RFPL4A: variants seen among roughly 807,000 people sequenced by gnomAD.
RFPL4A encodes the protein ret finger protein-like 4A.
RFPL4A carries 4 observed loss-of-function variants against 8.3 expected under a neutral mutation model. The observed-to-expected ratio is 0.48, with a 90% CI of 0.24 to 1.10. The LOEUF (loss-of-function observed/expected upper bound fraction) is 1.10, where lower values mean the gene tolerates loss of function less well. Ranked by LOEUF, RFPL4A falls within the 50% of genes least tolerant of loss-of-function variation. RFPL4A has a pLI of 0.18. For synonymous variants in RFPL4A, 43 were observed against 136.6 expected (o/e 0.31, Z 4.78); for missense variants, 111 against 358.7 (o/e 0.31, Z 5.58).
At chr19:55,760,533 T>C (rs1989260342) in intron 1 of RFPL4A, among the ~76,000 whole-genome samples, 1 of 151,596 alleles carries the variant, frequency 6.6e-6, no homozygotes, top group Admixed American at 6.6e-5. Flanking sequence ...TTAGGTTTTC[T>C]AGGAAAAAGC....
chr19:55,757,843 T>G (rs1989201574), upstream of RFPL4A, among the ~76,000 whole-genome samples: 1 of 151,456 alleles, frequency 6.6e-6, no homozygotes. Context: ...TTTCCACAAC[T>G]GAGGCCACCT....
rs111497074 is a variant in RFPL4A at position 55,761,744 on chromosome 19, C to T, written c.-9-48C>T. On this transcript the variant is annotated intron_variant, in intron 1 of 2. Coordinates refer to ENST00000434937, the MANE Select transcript of RFPL4A (RefSeq NM_001145014.2). Reference sequence around the variant, plus strand: ...AAAGCCCCAAACACTATCAGCTGTTCATTCAGCTCGTGGAAATTCTAATTC... The same window carrying T: ...AAAGCCCCAAACACTATCAGCTGTTTATTCAGCTCGTGGAAATTCTAATTC... The T allele has an allele frequency of 8.2e-5, 116 of 1,406,600 alleles. 8 individuals are homozygous for T. The African/African-American group carries it at 1.6e-3, about 20-fold the overall frequency. The allele number at this position is 1,406,600 out of a possible 1,614,324, so 87.1% of individuals were successfully genotyped here. A position where few individuals can be genotyped will look rare whatever the true frequency, so the allele number is the denominator to read the frequency against.
upstream of RFPL4A, among the ~76,000 whole-genome samples, chr19:55,758,249 C>A (rs1441710326): frequency 6.6e-6 from 1 of 152,300 alleles, no homozygotes; most frequent in African/African-American, 2.4e-5. Context: ...TGAGAACTGC[C>A]TTGGCTTTGA....
upstream of RFPL4A, among the ~76,000 whole-genome samples, chr19:55,758,136 C>T (rs1989208321): frequency 3.3e-5 from 5 of 152,202 alleles, no homozygotes; most frequent in South Asian, 1.0e-3. Flanking sequence ...TATTATAGGT[C>T]CCAATCAATG....
At chr19:55,761,079 T>A (rs564489997) in intron 1 of RFPL4A, among the ~76,000 whole-genome samples, 1 of 132,600 alleles carries the variant, frequency 7.5e-6, no homozygotes, top group Non-Finnish European at 1.7e-5. Context: ...TTAGTTCTGG[T>A]TTTTCCTTTT....
At chr19:55,758,877 T>A (rs1428876962), upstream of RFPL4A, 7 of 150,886 alleles carry the variant, frequency 4.6e-5, no homozygotes, top group African/African-American at 1.7e-4. Flanking sequence ...CCAATAGGCA[T>A]AATATTCAAG....
chr19:55,762,204 T>G lies in RFPL4A; in HGVS notation c.286+118T>G, dbSNP rs903960955. The stretch of plus-strand genomic sequence containing the variant: ...TATCTAGCATCTAAAACTTCCATGC[T>G]TCACAAACAACAGCAGTTCTCACCT... On this transcript the variant is annotated intron_variant, in intron 2 of 2. Transcript: ENST00000434937. The G allele has an allele frequency of 5.0e-5, 32 of 640,920 alleles. 2 individuals carry two copies. The African/African-American group carries it at 5.9e-4, about 12-fold the overall frequency. The allele number at this position is 640,920 out of a possible 1,614,324, so 39.7% of individuals were successfully genotyped here. A position where few individuals can be genotyped will look rare whatever the true frequency, so the allele number is the denominator to read the frequency against.
chr19:55,760,722 C>T (rs112817394), intron 1 of RFPL4A, among the ~76,000 whole-genome samples: 4 of 151,560 alleles, frequency 2.6e-5, no homozygotes, highest in African/African-American at 9.7e-5. Flanking sequence ...AGCCCAGGTT[C>T]CTCCTTGTCC....
intron 2 of RFPL4A, 60 bp from the exon 3 acceptor site, chr19:55,762,538 A>G (rs2045866): frequency 7.6e-7 from 1 of 1,310,206 alleles, no homozygotes; most frequent in Non-Finnish European, 1.0e-6. Flanking sequence ...TTTGCAGTCA[A>G]AGGGCAGAGG....
At chr19:55,762,430 A>C (rs1440693088) in intron 2 of RFPL4A, among the ~76,000 whole-genome samples, 168 bp from the exon 3 acceptor site, 2 of 151,562 alleles carry the variant, frequency 1.3e-5, no homozygotes, top group African/African-American at 2.4e-5. Context: ...CTATAGATAC[A>C]ATTTAACCTC....
rs1989292751 is a variant in RFPL4A at position 55,761,931 on chromosome 19, G to A, written c.131G>A (p.Gly44Glu). 1 of 1,513,802 alleles carries A rather than the reference G, an allele frequency of 6.6e-7. No homozygotes were observed. The highest frequency in any genetic ancestry group is 2.0e-5 in the Admixed American group (1 of 50,160). 93.8% of individuals were successfully genotyped at this position (1,513,802 alleles called of 1,614,324 possible). A position where few individuals can be genotyped will look rare whatever the true frequency, so the allele number is the denominator to read the frequency against. The change falls in exon 2 of 3, where the codon GGG (glycine) becomes GAG (glutamate). Residue 44 changes from glycine to glutamate, a missense_variant. Physicochemically the swap from Gly to Glu is moderately conservative, Grantham distance 98 (BLOSUM62 -2). Coordinates refer to ENST00000434937, the MANE Select transcript of RFPL4A (RefSeq NM_001145014.2). Reference protein sequence around the residue: ...CLNSLQKEPDGEGLLCRFCSV... With the variant: ...CLNSLQKEPDEEGLLCRFCSV... ...AATTCACTCCAGAAGGAGCCCGATG[G>A]GGAAGGTTTACTGTGCCGTTTCTGC...
At chr19:55,762,208 C>G (rs1240052910) in intron 2 of RFPL4A, 122 bp downstream of exon 2, 9 of 634,438 alleles carry the variant, frequency 1.4e-5, no homozygotes, top group Admixed American at 2.9e-5. Context: ...CCATGCTTCA[C>G]AAACAACAGC....
At chr19:55,758,709 T>C (rs551051263), upstream of RFPL4A, among the ~76,000 whole-genome samples, 11 of 151,478 alleles carry the variant, frequency 7.3e-5, no homozygotes, top group Admixed American at 4.6e-4. Flanking sequence ...TAACGACTTC[T>C]GAGTAGGTTT....
chr19:55,762,178 A>T, intron 2 of RFPL4A, 92 bp downstream of exon 2: 1 of 1,325,440 alleles, frequency 7.5e-7, no homozygotes. Context: ...CATTAGCAGG[A>T]TATCTAGCAT....
upstream of RFPL4A, chr19:55,758,960 G>C (rs567507107): frequency 6.0e-5 from 9 of 150,340 alleles, no homozygotes; most frequent in Non-Finnish European, 1.3e-4. Flanking sequence ...AAACACAGTC[G>C]TCTTCCTTTA....
chr19:55,760,439 C>T (rs1213849673), intron 1 of RFPL4A, among the ~76,000 whole-genome samples: 1 of 151,432 alleles, frequency 6.6e-6, no homozygotes, highest in Non-Finnish European at 1.5e-5. Flanking sequence ...GAAGTGTGGG[C>T]GTGATTCTGA....
upstream of RFPL4A, among the ~76,000 whole-genome samples, chr19:55,757,794 G>C: frequency 6.6e-6 from 1 of 151,818 alleles, no homozygotes. Flanking sequence ...TATTTTGGGA[G>C]ACTATTAGAG....
upstream of RFPL4A, among the ~76,000 whole-genome samples, chr19:55,757,372 AT>A (rs199634619): frequency 6.6e-6 from 1 of 151,912 alleles, no homozygotes; most frequent in Non-Finnish European, 1.5e-5. Context: ...TTAAAGTATA[AT>A]TAAAAAAAAA....
upstream of RFPL4A, among the ~76,000 whole-genome samples, chr19:55,757,353 C>T (rs917203658): frequency 6.6e-6 from 1 of 151,812 alleles, no homozygotes; most frequent in Non-Finnish European, 1.5e-5. Context: ...TGCACATGTA[C>T]CCCAGAACTT....
Sources: allele counts gnomAD v4.1 joint callset (sites outside exome capture counted in the v4.1 genomes callset), GRCh38; gene constraint gnomAD v4.1.1; transcripts MANE v1.5; gene names NCBI Gene and HGNC (gene_info 2026-07-23, HGNC 2026-07-21).